PDE9A: variants seen among roughly 807,000 people sequenced by gnomAD.
PDE9A encodes the protein high affinity cGMP-specific 3',5'-cyclic phosphodiesterase 9A.
A neutral mutation model predicts 87.4 loss-of-function variants in PDE9A; 60 were observed. That is an observed-to-expected ratio of 0.69 (90% CI 0.56 to 0.85). PDE9A has a LOEUF of 0.85. PDE9A is among the 40% of genes least tolerant of loss of function. PDE9A has a pLI of 0.00. For synonymous variants in PDE9A, 272 were observed against 279.4 expected, an observed-to-expected ratio of 0.97 and a Z score of 0.27; for missense variants, 665 against 779.0, an observed-to-expected ratio of 0.85 and a Z score of 1.74.
chr21:42,754,958 ACC>A (rs923103026), intron 10 of PDE9A, among the ~76,000 whole-genome samples: 2 of 152,026 alleles, frequency 1.3e-5, no homozygotes, highest in African/African-American at 4.8e-5. Flanking sequence ...ACATAGCAAG[ACC>A]TCGTCGCTAC....
intron 4 of PDE9A, among the ~76,000 whole-genome samples, chr21:42,699,558 T>TTC (rs1301770753): frequency 2.2e-4 from 22 of 101,172 alleles, no homozygotes; most frequent in African/African-American, 1.1e-3. Context: ...CTTTTTCTTT[T>TTC]TTTTTTTTTA....
chr21:42,728,056 G>T (rs547543731), intron 4 of PDE9A, among the ~76,000 whole-genome samples: 3 of 152,204 alleles, frequency 2.0e-5, no homozygotes, highest in South Asian at 4.1e-4. Flanking sequence ...CCAACCAACC[G>T]CTGATCAGAA....
intron 4 of PDE9A, among the ~76,000 whole-genome samples, chr21:42,710,420 AAAAAG>A (rs1228107481): frequency 4.6e-5 from 7 of 151,342 alleles, no homozygotes; most frequent in Non-Finnish European, 7.4e-5. Context: ...AAAAAAAAAA[AAAAAG>A]AAAGAAAAAA....
At chr21:42,768,080 C>T in intron 15 of PDE9A, 108 bp from the exon 16 acceptor site, 5 of 716,954 alleles carry the variant, frequency 7.0e-6, no homozygotes, top group Non-Finnish European at 1.3e-5. Flanking sequence ...CATGGTCCAG[C>T]AGGTCCTCCG....
At chr21:42,726,928 T>A (rs529836005) in intron 4 of PDE9A, among the ~76,000 whole-genome samples, 46 of 151,980 alleles carry the variant, frequency 3.0e-4, no homozygotes, top group African/African-American at 1.0e-3. Context: ...TTTCTGCCAG[T>A]ACCTCACAGT....
intron 1 of PDE9A, among the ~76,000 whole-genome samples, chr21:42,668,218 C>T (rs552272535): frequency 6.6e-6 from 1 of 152,242 alleles, no homozygotes; most frequent in African/African-American, 2.4e-5. Flanking sequence ...GCCTGGGTCC[C>T]CCGAGCACCT....
At chr21:42,740,586 GAT>G (rs2053039115) in intron 7 of PDE9A, among the ~76,000 whole-genome samples, 1 of 15,138 alleles carries the variant, frequency 6.6e-5, no homozygotes, top group Non-Finnish European at 1.7e-4. Context: ...TGGATGGGTG[GAT>G]GGATGGATGG....
intron 1 of PDE9A, among the ~76,000 whole-genome samples, chr21:42,672,249 G>A (rs1470995946): frequency 6.6e-6 from 1 of 152,224 alleles, no homozygotes; most frequent in Non-Finnish European, 1.5e-5. Context: ...GTCTGACTTA[G>A]GTGCAGCACG....
chr21:42,676,292 C>T (rs1292710954), intron 1 of PDE9A, among the ~76,000 whole-genome samples: 1 of 152,222 alleles, frequency 6.6e-6, no homozygotes, highest in Non-Finnish European at 1.5e-5. Context: ...TGTGCACTTA[C>T]TTCTGCACGA....
In PDE9A at chr21:42,675,278, C is replaced by T. The variant is rs1421089832; in HGVS notation, c.70-10914C>T. ...TCATGGAGGCTCACTAAAATGTAAT[C>T]ACTTCATTGTTTATGAGATACTCAG... is the stretch of plus-strand genomic sequence containing the variant. On this transcript the variant is annotated intron_variant, in intron 1 of 19. Coordinates refer to ENST00000291539, the MANE Select transcript of PDE9A (RefSeq NM_002606.3). This position sits in a 1 kb window ranked among gnomAD's most constrained non-coding sequence, Gnocchi z 4.3. Among the ~76,000 whole-genome samples the T allele has an allele frequency of 6.6e-6, 1 of 152,210 alleles. No individual in the cohort carries two copies. Among genetic ancestry groups the T allele is most frequent in the Non-Finnish European group, 1.5e-5 (1 of 68,038 alleles).
At chr21:42,753,347 A>C (rs1325465404) in intron 9 of PDE9A, among the ~76,000 whole-genome samples, 1 of 152,148 alleles carries the variant, frequency 6.6e-6, no homozygotes, top group Non-Finnish European at 1.5e-5. Flanking sequence ...TCTAATTTAC[A>C]TGCAGTAAAG....
rs1396099656 is a variant in PDE9A, at chr21:42,666,100, TG to T, written c.69+12221del. Among the ~76,000 whole-genome samples, 5 of 152,214 alleles carry T rather than the reference TG, an allele frequency of 3.3e-5. No individual in the cohort carries two copies. The South Asian group carries it at 8.3e-4, about 25-fold the overall frequency. ...TCTTTATCAAAGGGGAAAGCAGCCC[TG>T]GGGTGGGGGCGTGGCCACCAGTGCA... On this transcript the variant is annotated intron_variant, in intron 1 of 19. Transcript: ENST00000291539.
intron 7 of PDE9A, among the ~76,000 whole-genome samples, chr21:42,737,042 C>A (rs532767686): frequency 5.3e-4 from 81 of 152,354 alleles, no homozygotes; most frequent in Admixed American, 9.8e-4. Context: ...AACGGAAAGT[C>A]CTTTTGAGGA....
rs888835041 is a variant in PDE9A at position 42,695,359 on chromosome 21, C to T, written c.219-3609C>T. ...GATCCTGACATCCAGCTAACATGGG[C>T]GTTGCTTCCTGACAACCCTACCCCT... On this transcript the variant is annotated intron_variant, in intron 3 of 19. Coordinates refer to ENST00000291539, the MANE Select transcript of PDE9A (RefSeq NM_002606.3). The surrounding 1 kb of genome is among the most constrained non-coding windows in gnomAD (Gnocchi z 4.3). Among the ~76,000 whole-genome samples, 3 of 152,196 alleles carry T rather than the reference C, an allele frequency of 2.0e-5. No individual in the cohort carries two copies. The highest frequency in any genetic ancestry group is 1.3e-4 in the Admixed American group (2 of 15,282).
chr21:42,683,029 G>A (rs949150492), intron 1 of PDE9A, among the ~76,000 whole-genome samples: 2 of 152,288 alleles, frequency 1.3e-5, no homozygotes, highest in South Asian at 2.1e-4. Context: ...AATCTAGGTC[G>A]TTAAAGGTGA....
At chr21:42,765,530 C>G (rs761105377) in intron 15 of PDE9A, 36 bp downstream of exon 15, 1 of 1,227,504 alleles carries the variant, frequency 8.1e-7, no homozygotes, top group Non-Finnish European at 1.2e-6. Flanking sequence ...GGCAGCCAGG[C>G]GGTGGGCTGG....
intron 7 of PDE9A, chr21:42,741,697 G>GAAACGCCTCC (rs1555935469): frequency 4.8e-4 from 29 of 60,964 alleles, no homozygotes; most frequent in African/African-American, 4.1e-3. Flanking sequence ...CCTGACCCTG[G>GAAACGCCTCC]AAACGCCTCG....
At chr21:42,750,345 T>C (rs191123107) in intron 8 of PDE9A, among the ~76,000 whole-genome samples, 3 of 152,298 alleles carry the variant, frequency 2.0e-5, no homozygotes, top group South Asian at 4.1e-4. Context: ...CGGCCACCCA[T>C]GTGTGTCCAC....
At chr21:42,770,955 T>C (rs2147217379) in intron 18 of PDE9A, among the ~76,000 whole-genome samples, 157 bp downstream of exon 18, 1 of 152,224 alleles carries the variant, frequency 6.6e-6, no homozygotes, top group South Asian at 2.1e-4. Context: ...CCTGGCTCAG[T>C]AAAATTAGGG....
Sources: gnomAD v4.1 joint callset for allele counts (sites outside exome capture counted in the v4.1 genomes callset) on GRCh38, gnomAD v4.1.1 for gene constraint, Gnocchi (gnomAD v3.1) non-coding constraint, MANE v1.5 for transcripts, NCBI Gene and HGNC (gene_info 2026-07-23, HGNC 2026-07-21) for gene names.